The following NRG1 variants were observed in gnomAD, a reference collection of about 807,000 sequenced individuals.
The protein encoded by NRG1 is neuregulin 1.
A neutral mutation model predicts 63.8 loss-of-function variants in NRG1; 18 were observed. The ratio of observed to expected loss-of-function variants is 0.28; its 90% confidence interval spans 0.19 to 0.42. The LOEUF is 0.42. Among genes scored for constraint, NRG1 ranks in the 10% least tolerant of loss-of-function variants. The pLI is 1.00. For synonymous variants in NRG1, 302 were observed against 301.3 expected (o/e 1.00, Z -0.02); for missense variants, 762 against 814.7 (o/e 0.94, Z 0.79).
chr8:32,088,772 C>T (rs370550169), intron 1 of NRG1, among the ~76,000 whole-genome samples: 10 of 151,982 alleles, frequency 6.6e-5, no homozygotes, highest in East Asian at 3.9e-4. Flanking sequence ...CCTGCCTCGG[C>T]GTCCAAAAGT....
At chr8:32,521,327 T>C (rs74869170) in intron 1 of NRG1, among the ~76,000 whole-genome samples, 1 of 152,172 alleles carries the variant, frequency 6.6e-6, no homozygotes, top group Non-Finnish European at 1.5e-5. Flanking sequence ...CACATAGGTG[T>C]ATTATATTCT....
intron 1 of NRG1, among the ~76,000 whole-genome samples, chr8:32,436,311 C>G (rs1001192977): frequency 6.6e-6 from 1 of 152,088 alleles, no homozygotes; most frequent in Non-Finnish European, 1.5e-5. Flanking sequence ...CAGGTCCCTC[C>G]TACAACACAT....
At chr8:32,069,975 C>T (rs1163099090) in intron 1 of NRG1, among the ~76,000 whole-genome samples, 1 of 152,110 alleles carries the variant, frequency 6.6e-6, no homozygotes, top group African/African-American at 2.4e-5. Context: ...GGTAGAGAGT[C>T]CTTTGTGGTT....
chr8:31,999,132 G>T (rs1013132485), intron 1 of NRG1, among the ~76,000 whole-genome samples: 4 of 151,806 alleles, frequency 2.6e-5, no homozygotes, highest in African/African-American at 9.7e-5. Flanking sequence ...ATTAACACTG[G>T]AAGTATTTTC....
At chr8:31,714,685 T>C (rs1245441234) in intron 1 of NRG1, among the ~76,000 whole-genome samples, 1 of 152,194 alleles carries the variant, frequency 6.6e-6, no homozygotes, top group African/African-American at 2.4e-5. Flanking sequence ...TATCCATGTA[T>C]CTATCAATTC....
intron 6 of NRG1, among the ~76,000 whole-genome samples, chr8:32,735,637 G>A (rs1438086652): frequency 2.0e-5 from 3 of 152,110 alleles, no homozygotes; most frequent in Non-Finnish European, 2.9e-5. Flanking sequence ...TCACAATGAC[G>A]TGGAGATGTA....
At chr8:32,093,554 T>C (rs1829492213) in intron 1 of NRG1, among the ~76,000 whole-genome samples, 1 of 152,194 alleles carries the variant, frequency 6.6e-6, no homozygotes, top group Admixed American at 6.5e-5. Flanking sequence ...TCTTTTTCAC[T>C]ATATAGGAAC....
chr8:32,059,363 C>T (rs992259614), intron 1 of NRG1, among the ~76,000 whole-genome samples: 4 of 151,918 alleles, frequency 2.6e-5, no homozygotes, highest in African/African-American at 9.7e-5. Context: ...CGTGCTGCAT[C>T]GCTAATGTCC....
At chr8:32,589,311 A>G (rs1026012194) in intron 1 of NRG1, among the ~76,000 whole-genome samples, 1 of 152,230 alleles carries the variant, frequency 6.6e-6, no homozygotes, top group African/African-American at 2.4e-5. Flanking sequence ...GAGACTCTCC[A>G]TAGTAATTTA....
At chr8:32,133,268 G>C (rs78187755) in intron 1 of NRG1, among the ~76,000 whole-genome samples, 2,953 of 152,190 alleles carry the variant, frequency 0.019, 45 homozygotes, top group South Asian at 0.078. Context: ...AGCTCCTAGA[G>C]GGTGAGGCAG....
intron 1 of NRG1, among the ~76,000 whole-genome samples, chr8:31,825,920 G>T (rs1824506332): frequency 6.6e-6 from 1 of 152,138 alleles, no homozygotes; most frequent in South Asian, 2.1e-4. Context: ...CTACATTGCG[G>T]AGACAGGGCC....
chr8:32,229,248 A>C (rs1011677106), intron 1 of NRG1, among the ~76,000 whole-genome samples: 1 of 152,184 alleles, frequency 6.6e-6, no homozygotes, highest in African/African-American at 2.4e-5. Context: ...GATGCGTGCC[A>C]AGAAAATAGC....
chr8:31,693,073 T>C (rs1037205089), intron 1 of NRG1, among the ~76,000 whole-genome samples: 1 of 152,168 alleles, frequency 6.6e-6, no homozygotes, highest in Non-Finnish European at 1.5e-5. Flanking sequence ...AATCTCCAGG[T>C]CAAAGCCTAT....
At chr8:31,816,889 A>C (rs1227051752) in intron 1 of NRG1, among the ~76,000 whole-genome samples, 1 of 152,170 alleles carries the variant, frequency 6.6e-6, no homozygotes, top group African/African-American at 2.4e-5. Context: ...TTTTATTCAC[A>C]TGCTGATTGA....
intron 5 of NRG1, among the ~76,000 whole-genome samples, chr8:32,663,723 T>G (rs1018082253): frequency 6.6e-6 from 1 of 152,156 alleles, no homozygotes; most frequent in Non-Finnish European, 1.5e-5. Flanking sequence ...ACAGTCTACT[T>G]CATTTTTCTC....
At chr8:32,157,614 G>A (rs1246482729) in intron 1 of NRG1, among the ~76,000 whole-genome samples, 1 of 151,266 alleles carries the variant, frequency 6.6e-6, no homozygotes, top group East Asian at 1.9e-4. Context: ...AGCAGAGATT[G>A]TGCCATTGCA....
At chr8:31,757,844 T>C (rs534846491) in intron 1 of NRG1, among the ~76,000 whole-genome samples, 1 of 152,218 alleles carries the variant, frequency 6.6e-6, no homozygotes, top group Admixed American at 6.6e-5. Context: ...TGAACAAAAC[T>C]TCATTAAGAT....
chr8:31,676,563 G>A (rs1807721117), intron 1 of NRG1, among the ~76,000 whole-genome samples: 1 of 152,084 alleles, frequency 6.6e-6, no homozygotes, highest in African/African-American at 2.4e-5. Context: ...TGCAAACTCA[G>A]GACCCACCCC....
At chr8:32,726,618 G>T (rs974695437) in intron 5 of NRG1, among the ~76,000 whole-genome samples, 3 of 152,018 alleles carry the variant, frequency 2.0e-5, no homozygotes, top group Non-Finnish European at 4.4e-5. Context: ...TTCAGAAATG[G>T]AATAATCAGA....
Sources: allele counts gnomAD v4.1 joint callset (sites outside exome capture counted in the v4.1 genomes callset), GRCh38; gene constraint gnomAD v4.1.1; transcripts MANE v1.5; gene names NCBI Gene and HGNC (gene_info 2026-07-23, HGNC 2026-07-21).